The following SDCCAG8 variants were observed in gnomAD, a reference collection of about 807,000 sequenced individuals.
The protein encoded by SDCCAG8 is serologically defined colon cancer antigen 8.
In SDCCAG8, 74 loss-of-function variants were observed where a neutral mutation model predicts 101.8. The observed-to-expected ratio is 0.73, with a 90% confidence interval of 0.60 to 0.88. The LOEUF (loss-of-function observed/expected upper bound fraction) is 0.88. SDCCAG8 is among the 40% of genes least tolerant of loss of function. SDCCAG8 has a pLI of 0.00. For missense variants in SDCCAG8, 787 were observed against 822.6 expected (o/e 0.96, Z 0.53); for synonymous variants, 281 against 292.9 (o/e 0.96, Z 0.41).
Position 243,330,700 on chromosome 1 carries a change from A to C in SDCCAG8, c.1221+8A>C, listed in dbSNP as rs1277225096. On this transcript the variant is annotated splice_region_variant and intron_variant, in intron 10 of 17. Transcript: ENST00000366541. ...GAGTACATGGGATCAAAGGTACTTAAGGACTCTGCTGTTATCCACATTGCA... is the reference window on the plus strand; with the variant it reads ...GAGTACATGGGATCAAAGGTACTTACGGACTCTGCTGTTATCCACATTGCA... 1.9e-6 allele frequency: 3 copies of C among 1,613,872 alleles called. No homozygotes were observed. Among genetic ancestry groups the C allele is most frequent in the Non-Finnish European group, 2.5e-6 (3 of 1,179,866 alleles).
intron 16 of SDCCAG8, among the ~76,000 whole-genome samples, chr1:243,478,123 T>G (rs1662785616): frequency 1.3e-5 from 2 of 152,212 alleles, no homozygotes; most frequent in Admixed American, 1.3e-4. Flanking sequence ...AATGAACTGG[T>G]GTCAGCTGCT....
At chr1:243,464,668 G>T (rs985284288) in intron 16 of SDCCAG8, among the ~76,000 whole-genome samples, 2 of 152,212 alleles carry the variant, frequency 1.3e-5, no homozygotes, top group Non-Finnish European at 2.9e-5. Context: ...AGCCTTCGCA[G>T]ACTAACTAAG....
intron 6 of SDCCAG8, among the ~76,000 whole-genome samples, chr1:243,298,712 TC>T (rs2071209585): frequency 1.3e-5 from 2 of 152,196 alleles, no homozygotes; most frequent in South Asian, 4.1e-4. Context: ...TGTTTATACA[TC>T]CAAGCACCAT....
At chr1:243,299,115 G>T (rs2484640) in intron 6 of SDCCAG8, among the ~76,000 whole-genome samples, 67,368 of 151,986 alleles carry the variant, frequency 0.44, 16,481 homozygotes, top group East Asian at 0.74. Context: ...CTGAGTGAAG[G>T]TTTCATACAT....
intron 16 of SDCCAG8, among the ~76,000 whole-genome samples, chr1:243,436,085 G>T (rs1057025231): frequency 7.9e-5 from 12 of 151,426 alleles, no homozygotes; most frequent in African/African-American, 2.9e-4. Context: ...CCTTAGTTTT[G>T]TACATTCTGT....
intron 16 of SDCCAG8, among the ~76,000 whole-genome samples, chr1:243,451,073 T>TCATCTTTTGCATACA (rs2083319433): frequency 6.6e-6 from 1 of 152,274 alleles, no homozygotes; most frequent in Non-Finnish European, 1.5e-5. Flanking sequence ...ATACATTATT[T>TCATCTTTTGCATACA]CATCTTTTGC....
intron 12 of SDCCAG8, among the ~76,000 whole-genome samples, chr1:243,353,558 A>T (rs1302536895): frequency 1.4e-5 from 2 of 143,952 alleles, no homozygotes; most frequent in Non-Finnish European, 3.0e-5. Flanking sequence ...GAAGAAATTT[A>T]TTTGGTTAGA....
intron 16 of SDCCAG8, among the ~76,000 whole-genome samples, chr1:243,429,556 T>A (rs540531399): frequency 1.1e-3 from 173 of 152,228 alleles, no homozygotes; most frequent in Middle Eastern, 0.01. Flanking sequence ...ACTTGTTTTT[T>A]AAAAAATTAT....
At chr1:243,378,900 T>C (rs1247185789) in intron 13 of SDCCAG8, 37 bp downstream of exon 13, 1 of 1,613,646 alleles carries the variant, frequency 6.2e-7, no homozygotes, top group Admixed American at 1.7e-5. Flanking sequence ...TAGCACCGAT[T>C]TCATTCCACT....
At chr1:243,475,677 T>C (rs1268917041) in intron 16 of SDCCAG8, among the ~76,000 whole-genome samples, 1 of 152,122 alleles carries the variant, frequency 6.6e-6, no homozygotes, top group African/African-American at 2.4e-5. Context: ...CACCTAAAAG[T>C]TGATTGATGA....
chr1:243,376,608 C>T (rs1158042828), intron 12 of SDCCAG8, among the ~76,000 whole-genome samples: 1 of 152,120 alleles, frequency 6.6e-6, no homozygotes, highest in Non-Finnish European at 1.5e-5. Flanking sequence ...GAATTTTATA[C>T]ATTTTCTATT....
Position 243,271,080 on chromosome 1 carries a change from C to T in SDCCAG8, c.306+17C>T, listed in dbSNP as rs2068044491. 4 of 1,539,756 alleles carry T rather than the reference C, an allele frequency of 2.6e-6. No homozygotes were observed. Among genetic ancestry groups the T allele is most frequent in the Non-Finnish European group, 3.6e-6 (4 of 1,112,396 alleles). On this transcript the variant is annotated intron_variant, in intron 3 of 17. Transcript: ENST00000366541. The stretch of plus-strand genomic sequence containing the variant: ...TCCCCCTTGGTAAGTATCAACTTTT[C>T]CAAGTTGACAAAGCATTCCTGTGTT...
chr1:243,337,357 T>C (rs1309431266), intron 10 of SDCCAG8, among the ~76,000 whole-genome samples: 1 of 152,208 alleles, frequency 6.6e-6, no homozygotes, highest in East Asian at 1.9e-4. Context: ...TTCGATACAA[T>C]ACATATCTGA....
chr1:243,488,681 C>A (rs1665621892), intron 16 of SDCCAG8, among the ~76,000 whole-genome samples: 1 of 152,206 alleles, frequency 6.6e-6, no homozygotes, highest in African/African-American at 2.4e-5. Context: ...ACCTTTCCAG[C>A]TGAACAATGG....
chr1:243,301,262 T>C (rs1237663915), intron 6 of SDCCAG8, among the ~76,000 whole-genome samples: 1 of 152,184 alleles, frequency 6.6e-6, no homozygotes, highest in Non-Finnish European at 1.5e-5. Context: ...GTTTTGAGTG[T>C]CTGCTTAAAA....
At chr1:243,334,173 T>G (rs1442699072) in intron 10 of SDCCAG8, among the ~76,000 whole-genome samples, 1 of 152,176 alleles carries the variant, frequency 6.6e-6, no homozygotes, top group Non-Finnish European at 1.5e-5. Context: ...TCTATCCTAC[T>G]GCTACCATAT....
rs565662622 is a variant in SDCCAG8, at chr1:243,426,465, C to T, written c.1892C>T (p.Thr631Ile). Reference sequence around the variant, plus strand: ...CAACTCAGTCAAGAAAAAAGGTATACATATGATAAATTGGGAAAGTTACAG... The same window carrying T: ...CAACTCAGTCAAGAAAAAAGGTATATATATGATAAATTGGGAAAGTTACAG... ...IAQLSQEKRYTYDKLGKLQRR... is the reference protein window; with the variant it reads ...IAQLSQEKRYIYDKLGKLQRR... The change falls in exon 16 of 18, where the codon ACA becomes ATA. Residue 631 changes from threonine to isoleucine, a missense_variant. Physicochemically the swap from Thr to Ile is moderately conservative, Grantham distance 89 (BLOSUM62 -1). Transcript: ENST00000366541. 2.5e-6 allele frequency: 4 copies of T among 1,613,638 alleles called. No homozygotes were observed. In the African/African-American group the frequency reaches 4.0e-5, roughly 16 times the overall value.
chr1:243,259,894 G>T (rs1025161211), intron 1 of SDCCAG8, among the ~76,000 whole-genome samples: 3 of 151,916 alleles, frequency 2.0e-5, no homozygotes, highest in Non-Finnish European at 4.4e-5. Context: ...GTACTATTAT[G>T]GTATATCAAT....
chr1:243,281,526 C>T (rs936337837), intron 4 of SDCCAG8, among the ~76,000 whole-genome samples: 1 of 151,480 alleles, frequency 6.6e-6, no homozygotes, highest in African/African-American at 2.4e-5. Flanking sequence ...ATATTCAGAC[C>T]ATTATATTTA....
Sources: allele counts gnomAD v4.1 joint callset (sites outside exome capture counted in the v4.1 genomes callset), GRCh38; gene constraint gnomAD v4.1.1; transcripts MANE v1.5; gene names NCBI Gene and HGNC (gene_info 2026-07-23, HGNC 2026-07-21).